The following NKAIN3 variants were observed in gnomAD, a reference collection of about 807,000 sequenced individuals.
The protein encoded by NKAIN3 is sodium/potassium-transporting ATPase subunit beta-1-interacting protein 3.
NKAIN3 carries 25 observed loss-of-function variants against 30.2 expected under a neutral mutation model. The ratio of observed to expected loss-of-function variants is 0.83; its 90% CI spans 0.60 to 1.16. The LOEUF (loss-of-function observed/expected upper bound fraction) is 1.16, where lower values mean the gene tolerates loss of function less well. Ranked by LOEUF, NKAIN3 falls within the 50% of genes most tolerant of loss-of-function variation. The pLI, the probability that NKAIN3 is intolerant of heterozygous loss-of-function variation, is 0.00. For synonymous variants in NKAIN3, 91 were observed against 89.6 expected (o/e 1.02, Z -0.09); for missense variants, 225 against 254.1 (o/e 0.89, Z 0.78).
At position 62,514,346 on chromosome 8, in the gene NKAIN3, A is replaced by G. The variant is rs531263698; in HGVS notation, c.55-65193A>G. Among the ~76,000 whole-genome samples, 4 of 152,292 alleles carry G rather than the reference A, an allele frequency of 2.6e-5. No individual in the cohort carries two copies. The South Asian group carries it at 8.3e-4, about 32-fold the overall frequency. On this transcript the variant is annotated intron_variant, in intron 1 of 6. Transcript: ENST00000623646. Reference sequence around the variant, plus strand: ...CAACCTATGAGATGTGCTTTAAAACATACATGCTTTGGATGAAAATGCCAT... The same window carrying G: ...CAACCTATGAGATGTGCTTTAAAACGTACATGCTTTGGATGAAAATGCCAT...
At chr8:62,282,652 A>T (rs546254708) in intron 1 of NKAIN3, among the ~76,000 whole-genome samples, 1 of 152,332 alleles carries the variant, frequency 6.6e-6, no homozygotes, top group South Asian at 2.1e-4. Flanking sequence ...ACAGGGAATG[A>T]AGCTCAGGTT....
chr8:62,644,980 G>A (rs141633304), intron 3 of NKAIN3, among the ~76,000 whole-genome samples: 218 of 152,118 alleles, frequency 1.4e-3, no homozygotes, highest in African/African-American at 5.0e-3. Context: ...TAGATTAAAG[G>A]AACACCCAGA....
At chr8:62,780,554 C>T (rs905908962) in intron 4 of NKAIN3, among the ~76,000 whole-genome samples, 10 of 151,882 alleles carry the variant, frequency 6.6e-5, no homozygotes, top group Non-Finnish European at 8.8e-5. Context: ...ACTAGCAAAC[C>T]GAATCCAACA....
chr8:62,638,227 G>A (rs1366310535), intron 3 of NKAIN3, among the ~76,000 whole-genome samples: 1 of 152,126 alleles, frequency 6.6e-6, no homozygotes, highest in Non-Finnish European at 1.5e-5. Flanking sequence ...GTAGGAGGAG[G>A]ACTGATTTTG....
chr8:62,594,464 C>A (rs1810759742), intron 3 of NKAIN3, among the ~76,000 whole-genome samples: 1 of 152,026 alleles, frequency 6.6e-6, no homozygotes. Context: ...AATTCTTGCT[C>A]CTTTATAGAT....
chr8:62,287,390 A>G (rs1813412826), intron 1 of NKAIN3, among the ~76,000 whole-genome samples: 1 of 152,050 alleles, frequency 6.6e-6, no homozygotes, highest in Middle Eastern at 3.2e-3. Context: ...TTCATTGAGC[A>G]GCAATGTGAA....
chr8:62,909,794 T>C (rs546925032), intron 4 of NKAIN3, among the ~76,000 whole-genome samples: 4 of 152,320 alleles, frequency 2.6e-5, no homozygotes, highest in Non-Finnish European at 4.4e-5. Flanking sequence ...TATAATAATA[T>C]AGAGATTATG....
At chr8:62,841,382 G>T (rs1226493824) in intron 4 of NKAIN3, among the ~76,000 whole-genome samples, 1 of 151,702 alleles carries the variant, frequency 6.6e-6, no homozygotes, top group African/African-American at 2.4e-5. Context: ...ATTGGCTATG[G>T]TCACCCTGCT....
chr8:62,727,828 C>A lies in NKAIN3; in HGVS notation c.274-19104C>A, dbSNP rs184836589. 2.3e-3 allele frequency among the ~76,000 whole-genome samples: 356 copies of A among 152,124 alleles called. 2 individuals are homozygous for A. The highest frequency in any genetic ancestry group is 0.01 in the Middle Eastern group (3 of 294). ...AAATCCAAAGTTGTTCTGTGGATATCGATAAACTGTTTCTTTCTTTGTTTT... is the reference window on the plus strand; with the variant it reads ...AAATCCAAAGTTGTTCTGTGGATATAGATAAACTGTTTCTTTCTTTGTTTT... On this transcript the variant is annotated intron_variant, in intron 3 of 6. Coordinates refer to ENST00000623646, the MANE Select transcript of NKAIN3 (RefSeq NM_001304533.3).
intron 5 of NKAIN3, among the ~76,000 whole-genome samples, chr8:62,945,385 G>T (rs1253424954): frequency 6.6e-6 from 1 of 152,136 alleles, no homozygotes; most frequent in Non-Finnish European, 1.5e-5. Flanking sequence ...GCAAAAGATT[G>T]AAAGCCAGCT....
intron 1 of NKAIN3, among the ~76,000 whole-genome samples, chr8:62,502,574 C>A (rs1305198066): frequency 2.0e-5 from 3 of 151,128 alleles, no homozygotes; most frequent in African/African-American, 7.3e-5. Context: ...TCAGTATCTA[C>A]TTCCGACCTT....
At chr8:62,677,223 C>T (rs770334351) in intron 3 of NKAIN3, among the ~76,000 whole-genome samples, 13 of 152,070 alleles carry the variant, frequency 8.5e-5, no homozygotes, top group African/African-American at 2.4e-4. Flanking sequence ...GAGATCTGAG[C>T]GGTGATATAT....
intron 1 of NKAIN3, among the ~76,000 whole-genome samples, chr8:62,326,314 C>CT (rs1815127375): frequency 1.3e-5 from 2 of 151,840 alleles, no homozygotes. Flanking sequence ...AATCTGGACC[C>CT]TTACTGTACA....
At chr8:62,828,826 A>G (rs1287120529) in intron 4 of NKAIN3, among the ~76,000 whole-genome samples, 1 of 152,190 alleles carries the variant, frequency 6.6e-6, no homozygotes, top group South Asian at 2.1e-4. Context: ...TCATGAAGAA[A>G]GAAACTAAGA....
In NKAIN3 at chr8:62,902,366, A is replaced by G. The variant is rs1821638964; in HGVS notation, c.472-16087A>G. The stretch of plus-strand genomic sequence containing the variant: ...AGCTCAAGATGGGAATGTGGGACAG[A>G]GGTTGAATAAGCAAGTCTGAGGTCA... On this transcript the variant is annotated intron_variant, in intron 4 of 6. Transcript: ENST00000623646. Among the ~76,000 whole-genome samples the G allele has an allele frequency of 2.0e-5, 3 of 152,240 alleles. No individual in the cohort carries two copies. In the South Asian group the frequency reaches 6.2e-4, roughly 32 times the overall value.
At chr8:62,714,649 A>G (rs911937969) in intron 3 of NKAIN3, among the ~76,000 whole-genome samples, 2 of 152,202 alleles carry the variant, frequency 1.3e-5, no homozygotes, top group African/African-American at 4.8e-5. Flanking sequence ...AATGAATACA[A>G]GCTATGTTTA....
intron 4 of NKAIN3, among the ~76,000 whole-genome samples, chr8:62,867,878 TGTATGA>T (rs1369885894): frequency 6.6e-6 from 1 of 152,252 alleles, no homozygotes; most frequent in Non-Finnish European, 1.5e-5. Context: ...TTGTTTTATG[TGTATGA>T]GTATATTTAC....
At chr8:62,728,502 A>C (rs1815331748) in intron 3 of NKAIN3, among the ~76,000 whole-genome samples, 3 of 114,340 alleles carry the variant, frequency 2.6e-5, no homozygotes. Context: ...GTCTCTACTA[A>C]AAAATACAAA....
chr8:62,767,000 A>C (rs1816859377), intron 4 of NKAIN3, among the ~76,000 whole-genome samples: 1 of 151,966 alleles, frequency 6.6e-6, no homozygotes, highest in Non-Finnish European at 1.5e-5. Flanking sequence ...GGCCATGAGA[A>C]TAGGGAGCAG....
Sources: gnomAD v4.1 joint callset for allele counts (sites outside exome capture counted in the v4.1 genomes callset) on GRCh38, gnomAD v4.1.1 for gene constraint, MANE v1.5 for transcripts, NCBI Gene and HGNC (gene_info 2026-07-23, HGNC 2026-07-21) for gene names.